The following ATP11B variants were observed in gnomAD, a reference collection of about 807,000 sequenced individuals.
The protein encoded by ATP11B is phospholipid-transporting ATPase IF.
Under a neutral mutation model 157.8 loss-of-function variants are expected in ATP11B, and 81 were observed. The ratio of observed to expected loss-of-function variants is 0.51; its 90% CI spans 0.43 to 0.62. The LOEUF is 0.62. Ranked by LOEUF, ATP11B falls within the 20% of genes least tolerant of loss-of-function variation. ATP11B has a pLI of 0.00. For synonymous variants in ATP11B, 451 were observed against 469.4 expected (o/e 0.96, Z 0.51); for missense variants, 1,165 against 1,402.2 (o/e 0.83, Z 2.70).
At chr3:182,829,125 C>T (rs534001059) in intron 3 of ATP11B, among the ~76,000 whole-genome samples, 2 of 152,276 alleles carry the variant, frequency 1.3e-5, no homozygotes, top group South Asian at 2.1e-4. Context: ...ACCATATCCA[C>T]GTAACATCCA....
chr3:182,865,361 T>G (rs965584738), intron 12 of ATP11B, 95 bp from the exon 13 acceptor site: 1 of 1,211,814 alleles, frequency 8.3e-7, no homozygotes, highest in African/African-American at 1.5e-5. Context: ...ATAGATAAAC[T>G]GGACTTCAGG....
chr3:182,813,251 T>A (rs951298944), intron 1 of ATP11B, among the ~76,000 whole-genome samples: 8 of 152,194 alleles, frequency 5.3e-5, no homozygotes, highest in Non-Finnish European at 8.8e-5. Context: ...AATTGCTGGA[T>A]CTTATGTTAA....
At position 182,892,198 on chromosome 3, in the gene ATP11B, C is replaced by T. The variant is rs537325049; in HGVS notation, c.2982+2650C>T. On this transcript the variant is annotated intron_variant, in intron 25 of 29. Coordinates refer to ENST00000323116, the MANE Select transcript of ATP11B (RefSeq NM_014616.3). ...TCTAGAATGCTCATGCTTCCCTTTC[C>T]CCAAGATTCCCTCACCACCACCTAT... Among the ~76,000 whole-genome samples, 12 of 152,216 alleles carry T rather than the reference C, an allele frequency of 7.9e-5. No homozygotes were observed. The South Asian group carries it at 2.5e-3, about 32-fold the overall frequency.
At position 182,869,136 on chromosome 3, in the gene ATP11B, G is replaced by A. The variant is rs1721459073; in HGVS notation, c.1747G>A (p.Val583Ile). 6.2e-7 allele frequency: 1 copy of A among 1,611,554 alleles called. No homozygotes were observed. ...DSDRRRMSVI[V>I]QAPSGEKLLF... is the part of the protein sequence containing the mutation. The stretch of plus-strand genomic sequence containing the variant: ...AGATCGTAGGAGAATGAGTGTAATT[G>A]TTCAGGCACCTTCAGGTAACCAATC... Residue 583 changes from valine to isoleucine, a missense_variant, in exon 16 of 30, where the codon GTT becomes ATT. By Grantham distance (29) the Val-to-Ile change is conservative. Around this residue, in one of 4 missense-constraint regions of ATP11B, gnomAD observed 737 missense variants for 930.5 expected, o/e 0.79. Coordinates refer to ENST00000323116, the MANE Select transcript of ATP11B (RefSeq NM_014616.3).
At chr3:182,871,215 T>C (rs776657569) in intron 17 of ATP11B, among the ~76,000 whole-genome samples, 1 of 151,898 alleles carries the variant, frequency 6.6e-6, no homozygotes, top group Non-Finnish European at 1.5e-5. Flanking sequence ...GCAGGATCAC[T>C]TGAGCCCAGG....
At position 182,918,126 on chromosome 3, in the gene ATP11B, G is replaced by GAGCC; in HGVS notation, c.*25_*28dup. 2 of 1,611,134 alleles carry GAGCC rather than the reference G, an allele frequency of 1.2e-6. No homozygotes were observed. The highest frequency in any genetic ancestry group is 1.7e-6 in the Non-Finnish European group (2 of 1,178,570). ...TTAAAGGGGCAGTAGTACTTTGTGG[G>GAGCC]AGCCAGTTCACCTCCTTTCCTAAAA... On this transcript the variant is annotated 3_prime_UTR_variant, in exon 30 of 30. Transcript: ENST00000323116.
chr3:182,921,626 A>ATAAT (rs1332203445), exon 30 of ATP11B: 1 of 152,198 alleles, frequency 6.6e-6, no homozygotes, highest in Non-Finnish European at 1.5e-5. Flanking sequence ...ACTTTCCTAT[A>ATAAT]TAATTAAAAG....
At chr3:182,872,006 T>G (rs1721698993) in intron 17 of ATP11B, among the ~76,000 whole-genome samples, 1 of 152,010 alleles carries the variant, frequency 6.6e-6, no homozygotes. Flanking sequence ...TAGTAGAGAC[T>G]GGGTTTCACC....
chr3:182,914,185 CAAAG>C lies in ATP11B; in HGVS notation c.3452+192_3452+195del, dbSNP rs893667095. 1.5e-5 allele frequency: 21 copies of C among 1,398,656 alleles called. No individual in the cohort carries two copies. The African/African-American group carries it at 2.5e-4, about 16-fold the overall frequency. The allele number at this position is 1,398,656 out of a possible 1,614,324, so 86.6% of individuals were successfully genotyped here. A position where few individuals can be genotyped will look rare whatever the true frequency, so the allele number is the denominator to read the frequency against. ...TTTGGGGTAAGGGCTTTTTCACTCA[CAAAG>C]GAAGAGAAAGCACCTTTGAAGAGAC... On this transcript the variant is annotated intron_variant, in intron 29 of 29. Transcript: ENST00000323116.
chr3:182,835,131 G>A (rs1718449346), intron 4 of ATP11B, among the ~76,000 whole-genome samples: 1 of 152,062 alleles, frequency 6.6e-6, no homozygotes, highest in South Asian at 2.1e-4. Flanking sequence ...GGTGGCAGAG[G>A]TACAAGAGGT....
intron 24 of ATP11B, among the ~76,000 whole-genome samples, chr3:182,888,151 GA>G (rs1722924833): frequency 6.6e-6 from 1 of 152,110 alleles, no homozygotes; most frequent in Non-Finnish European, 1.5e-5. Context: ...TGCTTCCCCA[GA>G]ACCAAGTAAT....
intron 17 of ATP11B, among the ~76,000 whole-genome samples, chr3:182,870,746 A>C (rs1428323706): frequency 6.7e-6 from 1 of 149,398 alleles, no homozygotes; most frequent in African/African-American, 2.5e-5. Flanking sequence ...GGCCGAGGCT[A>C]GCAGATCACG....
At chr3:182,840,391 C>T (rs1718913804) in intron 7 of ATP11B, among the ~76,000 whole-genome samples, 1 of 152,156 alleles carries the variant, frequency 6.6e-6, no homozygotes, top group African/African-American at 2.4e-5. Flanking sequence ...ACCCTCACTC[C>T]CTTGGTGATC....
chr3:182,890,876 A>C (rs1429680353), intron 25 of ATP11B, among the ~76,000 whole-genome samples: 2 of 152,234 alleles, frequency 1.3e-5, no homozygotes, highest in Non-Finnish European at 2.9e-5. Flanking sequence ...CAGTAATAGA[A>C]TTCAGACTCA....
intron 4 of ATP11B, among the ~76,000 whole-genome samples, chr3:182,830,170 T>G (rs1718023920): frequency 6.6e-6 from 1 of 151,870 alleles, no homozygotes; most frequent in South Asian, 2.1e-4. Context: ...ACTATGTAGT[T>G]CAAAAATTAG....
chr3:182,824,825 T>C (rs1717608194), intron 2 of ATP11B, among the ~76,000 whole-genome samples: 1 of 152,238 alleles, frequency 6.6e-6, no homozygotes, highest in African/African-American at 2.4e-5. Context: ...CACAAACTCA[T>C]GTTGAACTTT....
At chr3:182,917,537 T>C (rs1315278991) in intron 29 of ATP11B, 1 of 985,272 alleles carries the variant, frequency 1.0e-6, no homozygotes, top group East Asian at 1.1e-4. Flanking sequence ...CATCATTCGC[T>C]ACATTCAAGC....
At chr3:182,832,654 G>A (rs1023510942) in intron 4 of ATP11B, among the ~76,000 whole-genome samples, 1 of 152,054 alleles carries the variant, frequency 6.6e-6, no homozygotes, top group African/African-American at 2.4e-5. Context: ...ACTTTAATAT[G>A]AATGAGGTTG....
intron 1 of ATP11B, among the ~76,000 whole-genome samples, chr3:182,794,018 G>A (rs970999523): frequency 2.0e-5 from 3 of 152,160 alleles, no homozygotes; most frequent in Non-Finnish European, 4.4e-5. Context: ...GGCCGGAGGC[G>A]GCCGCTTCTA....
Sources: gnomAD v4.1 joint callset for allele counts (sites outside exome capture counted in the v4.1 genomes callset) on GRCh38, gnomAD v4.1.1 for gene constraint, gnomAD v4.1.1 regional missense constraint, MANE v1.5 for transcripts, NCBI Gene and HGNC (gene_info 2026-07-23, HGNC 2026-07-21) for gene names.